Variants in PVT1 observed in about 807,000 individuals in gnomAD.
The protein encoded by PVT1 is Pvt1 oncogene.
chr8:127,935,629 C>T lies in PVT1; in HGVS notation n.782+44631C>T, dbSNP rs897296080. Among the ~76,000 whole-genome samples the T allele has an allele frequency of 3.9e-5, 6 of 152,218 alleles. No individual in the cohort carries two copies. The Middle Eastern group carries it at 0.01, about 259-fold the overall frequency. The stretch of plus-strand genomic sequence containing the variant: ...AAAGCCTAGAAGAAGGTGAGCCATG[C>T]GTGGCCCGATGGCACAGAGCATGAG... On this transcript the variant is annotated intron_variant and non_coding_transcript_variant, in intron 3 of 10. Coordinates refer to ENST00000651587, the Ensembl canonical transcript of PVT1.
chr8:128,067,337 A>G (rs1813922926), intron 4 of PVT1, among the ~76,000 whole-genome samples: 1 of 152,022 alleles, frequency 6.6e-6, no homozygotes, highest in African/African-American at 2.4e-5. Flanking sequence ...GAAGGGGAAA[A>G]CTGACGTGGA....
At chr8:128,010,779 G>A (rs17199073) in intron 4 of PVT1, among the ~76,000 whole-genome samples, 26,692 of 152,162 alleles carry the variant, frequency 0.18, 2,608 homozygotes, top group South Asian at 0.33. Context: ...GTACAGGGAA[G>A]TTTCACATGT....
intron 5 of PVT1, chr8:128,082,818 CTG>C (rs1346420366): frequency 1.3e-5 from 2 of 152,170 alleles, no homozygotes; most frequent in Non-Finnish European, 2.9e-5. Context: ...AGTCAATAGA[CTG>C]AGATGGTGGA....
chr8:127,845,322 G>T (rs1220164348), intron 2 of PVT1, among the ~76,000 whole-genome samples: 6 of 152,114 alleles, frequency 3.9e-5, no homozygotes, highest in African/African-American at 1.4e-4. Flanking sequence ...TGCATGAATG[G>T]CCTAAATGAA....
chr8:127,974,391 GCAT>G (rs151336453), intron 3 of PVT1, among the ~76,000 whole-genome samples: 130 of 151,866 alleles, frequency 8.6e-4, no homozygotes, highest in Non-Finnish European at 1.5e-3. Flanking sequence ...AAAAAAGTCA[GCAT>G]CATCATCATC....
At position 127,939,254 on chromosome 8, in the gene PVT1, GC is replaced by G. The variant is rs369858784; in HGVS notation, n.782+48257del. Among the ~76,000 whole-genome samples, 717 of 152,308 alleles carry G rather than the reference GC, an allele frequency of 4.7e-3. 5 individuals carry two copies. The highest frequency in any genetic ancestry group is 0.016 in the African/African-American group (664 of 41,564). On this transcript the variant is annotated intron_variant and non_coding_transcript_variant, in intron 3 of 10. Coordinates refer to ENST00000651587, the Ensembl canonical transcript of PVT1. ...TGGGGCTGTGGCCCTTTCCCAACCA[GC>G]ACCTTGGCCCTGTACCCTGATATGG...
At chr8:127,841,630 T>C (rs1814975798) in intron 2 of PVT1, among the ~76,000 whole-genome samples, 1 of 152,232 alleles carries the variant, frequency 6.6e-6, no homozygotes, top group Non-Finnish European at 1.5e-5. Context: ...AGGTAAGATC[T>C]GTGGTAGCAT....
intron 3 of PVT1, among the ~76,000 whole-genome samples, chr8:127,984,978 CCTTT>C (rs201808732): frequency 3.9e-5 from 5 of 127,696 alleles, no homozygotes; most frequent in Admixed American, 7.6e-5. Flanking sequence ...CTCCTTCCTT[CCTTT>C]CTTTCTTTCT....
chr8:127,871,363 G>T (rs1815350235), intron 2 of PVT1, among the ~76,000 whole-genome samples: 1 of 152,232 alleles, frequency 6.6e-6, no homozygotes, highest in South Asian at 2.1e-4. Context: ...GAATGCAGGG[G>T]AATGGATATG....
intron 2 of PVT1, among the ~76,000 whole-genome samples, chr8:127,837,038 G>A (rs1436899044): frequency 6.6e-6 from 1 of 152,182 alleles, no homozygotes; most frequent in Non-Finnish European, 1.5e-5. Context: ...CTAGCCCATG[G>A]GACCATAAGC....
chr8:127,805,342 TATG>T (rs1312763594), intron 2 of PVT1, among the ~76,000 whole-genome samples: 1 of 152,134 alleles, frequency 6.6e-6, no homozygotes, highest in Non-Finnish European at 1.5e-5. Flanking sequence ...TTATATAGAT[TATG>T]TTTTCTATTT....
chr8:128,005,503 TGTC>T (rs933347402), intron 4 of PVT1, among the ~76,000 whole-genome samples: 4 of 152,204 alleles, frequency 2.6e-5, no homozygotes, highest in African/African-American at 9.7e-5. Context: ...GCCCTAGTCT[TGTC>T]GTCTTTCCCC....
intron 2 of PVT1, among the ~76,000 whole-genome samples, chr8:127,816,627 G>A (rs938468191): frequency 2.6e-5 from 4 of 151,702 alleles, no homozygotes; most frequent in East Asian, 1.9e-4. Flanking sequence ...GGGTTCAAGC[G>A]ATTCTCCTGC....
At chr8:128,079,331 T>C (rs1006736355) in intron 5 of PVT1, among the ~76,000 whole-genome samples, 18 of 152,208 alleles carry the variant, frequency 1.2e-4, no homozygotes, top group African/African-American at 4.1e-4. Context: ...GTTGTAGGCT[T>C]ACAAAAATAT....
chr8:127,797,837 T>C (rs934536878), intron 2 of PVT1, among the ~76,000 whole-genome samples: 8 of 152,082 alleles, frequency 5.3e-5, no homozygotes, highest in Admixed American at 2.0e-4. Context: ...AACTTTCCTA[T>C]AAAATAGGAT....
At chr8:128,055,819 G>A (rs533020186) in intron 4 of PVT1, among the ~76,000 whole-genome samples, 1 of 152,182 alleles carries the variant, frequency 6.6e-6, no homozygotes, top group African/African-American at 2.4e-5. Context: ...TGGTAGGTTG[G>A]GTAGCTGAAT....
At chr8:127,871,489 G>T (rs1386546876) in intron 2 of PVT1, among the ~76,000 whole-genome samples, 1 of 152,194 alleles carries the variant, frequency 6.6e-6, no homozygotes, top group Non-Finnish European at 1.5e-5. Context: ...AGGAAGGGAT[G>T]CGCTGGACTC....
At chr8:127,844,815 G>A (rs2129722040) in intron 2 of PVT1, among the ~76,000 whole-genome samples, 1 of 152,210 alleles carries the variant, frequency 6.6e-6, no homozygotes, top group East Asian at 1.9e-4. Context: ...CTGGGTTCAT[G>A]CCATTCTCCT....
chr8:127,854,417 C>A (rs75911157), intron 2 of PVT1, among the ~76,000 whole-genome samples: 11,660 of 152,222 alleles, frequency 0.077, 662 homozygotes, highest in African/African-American at 0.15. Flanking sequence ...CAGCCCTGGA[C>A]TGGACAGTGA....
Sources: allele counts gnomAD v4.1 joint callset (sites outside exome capture counted in the v4.1 genomes callset), GRCh38; gene constraint gnomAD v4.1.1; transcripts MANE v1.5; gene names NCBI Gene and HGNC (gene_info 2026-07-23, HGNC 2026-07-21).